GPR160: variants seen among roughly 807,000 people sequenced by gnomAD.
The protein encoded by GPR160 is G protein-coupled receptor 160.
In GPR160, 2 loss-of-function variants were observed where a neutral mutation model predicts 2.6. The ratio of observed to expected loss-of-function variants is 0.77; its 90% CI spans 0.32 to 2.44. The LOEUF (loss-of-function observed/expected upper bound fraction) is 2.44. GPR160 is among the 30% of genes most tolerant of loss of function. The pLI is 0.11. For synonymous variants in GPR160, 130 were observed against 132.2 expected (o/e 0.98, Z 0.12); for missense variants, 351 against 383.6 (o/e 0.91, Z 0.71).
At chr3:170,082,976 T>TG (rs1046921958) in intron 3 of GPR160, among the ~76,000 whole-genome samples, 4 of 147,676 alleles carry the variant, frequency 2.7e-5, no homozygotes, top group Non-Finnish European at 5.9e-5. Context: ...TTTTGGGGTT[T>TG]TTTTTTTTTT....
At chr3:170,072,813 T>C (rs989348588) in intron 2 of GPR160, among the ~76,000 whole-genome samples, 12 of 152,166 alleles carry the variant, frequency 7.9e-5, no homozygotes, top group African/African-American at 1.7e-4. Context: ...ACCTTCAGCA[T>C]TGGAGATCAC....
At chr3:170,044,431 C>T (rs1327386469) in intron 2 of GPR160, among the ~76,000 whole-genome samples, 4 of 151,850 alleles carry the variant, frequency 2.6e-5, no homozygotes, top group Admixed American at 1.3e-4. Flanking sequence ...GAATACAAGC[C>T]GCGTTGTCAT....
intron 2 of GPR160, among the ~76,000 whole-genome samples, chr3:170,043,984 C>T (rs917537986): frequency 7.4e-5 from 11 of 148,318 alleles, no homozygotes; most frequent in African/African-American, 2.2e-4. Flanking sequence ...TTTTTTTTAA[C>T]GGTAAGAGAT....
At chr3:170,053,607 G>A (rs1322871149) in intron 2 of GPR160, among the ~76,000 whole-genome samples, 4 of 151,992 alleles carry the variant, frequency 2.6e-5, no homozygotes, top group Admixed American at 6.6e-5. Context: ...TTACTGAATG[G>A]GCTAGGATAT....
chr3:170,083,618 T>TATC (rs1432798427), intron 3 of GPR160: 1 of 160,114 alleles, frequency 6.2e-6, no homozygotes, highest in Admixed American at 6.4e-5. Flanking sequence ...ACCATTTCTC[T>TATC]ATCTAAAAGT....
chr3:170,055,639 C>CTT (rs34774096), intron 2 of GPR160, among the ~76,000 whole-genome samples: 28 of 148,952 alleles, frequency 1.9e-4, no homozygotes, highest in African/African-American at 6.9e-4. Context: ...CTTTTAAAAA[C>CTT]TTTTTTTTTT....
At chr3:170,041,026 T>C (rs76715546) in intron 2 of GPR160, among the ~76,000 whole-genome samples, 2,696 of 152,300 alleles carry the variant, frequency 0.018, 99 homozygotes, top group African/African-American at 0.062. Context: ...CTATAATTCC[T>C]ACTCATTCTG....
rs576538984 is a variant in GPR160, at chr3:170,075,815, A to G, written c.-192-3959A>G. Reference sequence around the variant, plus strand: ...GAAAAATAAAAATCATCTATCCCCTACCTTGAGATAACCTCTGCTTGCTGT... The same window carrying G: ...GAAAAATAAAAATCATCTATCCCCTGCCTTGAGATAACCTCTGCTTGCTGT... On this transcript the variant is annotated intron_variant, in intron 2 of 3. Coordinates refer to ENST00000355897, the MANE Select transcript of GPR160 (RefSeq NM_014373.3). Among the ~76,000 whole-genome samples, 11 of 152,188 alleles carry G rather than the reference A, an allele frequency of 7.2e-5. No homozygotes were observed. The East Asian group carries it at 1.9e-3, about 27-fold the overall frequency.
chr3:170,048,336 G>A (rs1365736956), intron 2 of GPR160, among the ~76,000 whole-genome samples: 1 of 152,106 alleles, frequency 6.6e-6, no homozygotes, highest in Non-Finnish European at 1.5e-5. Flanking sequence ...TGGGTGATGA[G>A]TACTCTAAAA....
At chr3:170,082,896 A>T (rs749940468) in intron 3 of GPR160, among the ~76,000 whole-genome samples, 1 of 151,292 alleles carries the variant, frequency 6.6e-6, no homozygotes, top group South Asian at 2.1e-4. Context: ...CACCCAGCCA[A>T]CCTGTGTTGT....
intron 2 of GPR160, chr3:170,062,960 C>A: frequency 3.3e-6 from 1 of 298,916 alleles, no homozygotes; most frequent in Non-Finnish European, 6.4e-6. Context: ...CGCCACGGGA[C>A]CCCTCCATGG....
At chr3:170,056,612 A>C (rs1711654255) in intron 2 of GPR160, among the ~76,000 whole-genome samples, 1 of 152,208 alleles carries the variant, frequency 6.6e-6, no homozygotes, top group African/African-American at 2.4e-5. Context: ...CATTCTGTTT[A>C]ATCAGTTTTA....
At chr3:170,062,597 G>C in intron 2 of GPR160, 1 of 1,183,738 alleles carries the variant, frequency 8.4e-7, no homozygotes, top group Non-Finnish European at 1.2e-6. Flanking sequence ...CCAAAAATGT[G>C]AAGCAGCAGA....
chr3:170,066,204 G>A (rs1481973239), intron 2 of GPR160, among the ~76,000 whole-genome samples: 2 of 120,468 alleles, frequency 1.7e-5, no homozygotes, highest in Non-Finnish European at 3.2e-5. Context: ...CCAGTGGCAC[G>A]ATCTCGGCTC....
chr3:170,060,330 A>G (rs972593698), intron 2 of GPR160, among the ~76,000 whole-genome samples: 1 of 152,234 alleles, frequency 6.6e-6, no homozygotes, highest in African/African-American at 2.4e-5. Flanking sequence ...GAAAATTACT[A>G]TTTTACAACT....
intron 2 of GPR160, among the ~76,000 whole-genome samples, chr3:170,056,436 A>C (rs1711646105): frequency 6.6e-6 from 1 of 152,234 alleles, no homozygotes; most frequent in East Asian, 1.9e-4. Flanking sequence ...TTCTCATGCT[A>C]TTGATTTCAT....
Position 170,038,236 on chromosome 3 carries a change from A to C in GPR160, c.-322+21A>C, listed in dbSNP as rs907251292. ...CTCGGGTGAGTGCGGGCGCAGGTGGAGGGCGCCCGGCGCTCTCGCCACCGG... is the reference window on the plus strand; with the variant it reads ...CTCGGGTGAGTGCGGGCGCAGGTGGCGGGCGCCCGGCGCTCTCGCCACCGG... On this transcript the variant is annotated intron_variant, in intron 1 of 3. Coordinates refer to ENST00000355897, the MANE Select transcript of GPR160 (RefSeq NM_014373.3). The surrounding 1 kb of genome is among the most constrained non-coding windows in gnomAD (Gnocchi z 5.3). 1 of 151,940 alleles carries C rather than the reference A, an allele frequency of 6.6e-6. No homozygotes were observed. Among genetic ancestry groups the C allele is most frequent in the African/African-American group, 2.4e-5 (1 of 41,342 alleles). The allele number at this position is 151,940 out of a possible 1,614,324, so 9.4% of individuals were successfully genotyped here.
chr3:170,085,142 G>T lies in GPR160; in HGVS notation c.*153G>T, dbSNP rs1861935. The T allele has an allele frequency of 0.31, 134,710 of 439,876 alleles. 21,265 individuals are homozygous for T. Among genetic ancestry groups the T allele is most frequent in the East Asian group, 0.45 (12,915 of 28,632 alleles). 27.2% of individuals were successfully genotyped at this position (439,876 alleles called of 1,614,324 possible). A position where few individuals can be genotyped will look rare whatever the true frequency, so the allele number is the denominator to read the frequency against. On this transcript the variant is annotated 3_prime_UTR_variant, in exon 4 of 4. Coordinates refer to ENST00000355897, the MANE Select transcript of GPR160 (RefSeq NM_014373.3). ...TGTCTTTTGAAGGGCTATGATACCA[G>T]TTATTAAATAGTGTTTTATTTTAAA... is the stretch of plus-strand genomic sequence containing the variant.
At chr3:170,064,276 C>T (rs1254721120) in intron 2 of GPR160, among the ~76,000 whole-genome samples, 1 of 152,202 alleles carries the variant, frequency 6.6e-6, no homozygotes, top group Admixed American at 6.5e-5. Flanking sequence ...GTTTGTCAGA[C>T]ACCCACGGCT....
Sources: allele counts gnomAD v4.1 joint callset (sites outside exome capture counted in the v4.1 genomes callset), GRCh38; gene constraint gnomAD v4.1.1; non-coding constraint Gnocchi (gnomAD v3.1); transcripts MANE v1.5; gene names NCBI Gene and HGNC (gene_info 2026-07-23, HGNC 2026-07-21).